CCSER1: variants seen among roughly 807,000 people sequenced by gnomAD.
CCSER1 encodes the protein serine-rich coiled-coil domain-containing protein 1.
In CCSER1, 41 loss-of-function variants were observed where a neutral mutation model predicts 82.0. The ratio of observed to expected loss-of-function variants is 0.50; its 90% CI spans 0.39 to 0.65. CCSER1 has a LOEUF of 0.65. CCSER1 is among the 30% of genes least tolerant of loss of function. The probability of loss-of-function intolerance (pLI) is 0.00; values close to 1 mark genes in which losing one functional copy is unlikely to be tolerated. For synonymous variants in CCSER1, 414 were observed against 383.9 expected (o/e 1.08, Z -0.92); for missense variants, 1,119 against 1,064.2 (o/e 1.05, Z -0.72).
chr4:90,181,081 G>A lies in CCSER1; in HGVS notation c.-42+53250G>A, dbSNP rs80281734. On this transcript the variant is annotated intron_variant, in intron 1 of 10. Coordinates refer to ENST00000509176, the MANE Select transcript of CCSER1 (RefSeq NM_001145065.2). ...TTCAAAACATTTAGAAAACTTCCTG[G>A]TGCAATAGAAAAACTACCTGTTTGG... 8.9e-3 allele frequency among the ~76,000 whole-genome samples: 1,355 copies of A among 152,086 alleles called. 49 individuals carry two copies. The East Asian group carries it at 0.1, about 11-fold the overall frequency.
At chr4:91,119,489 G>C (rs1318814863) in intron 10 of CCSER1, among the ~76,000 whole-genome samples, 1 of 151,796 alleles carries the variant, frequency 6.6e-6, no homozygotes, top group Non-Finnish European at 1.5e-5. Context: ...TCTATATACT[G>C]TATATTTCTT....
At position 90,939,137 on chromosome 4, in the gene CCSER1, T is replaced by C. The variant is rs1731298853; in HGVS notation, c.2172+15690T>C. On this transcript the variant is annotated intron_variant, in intron 9 of 10. Coordinates refer to ENST00000509176, the MANE Select transcript of CCSER1 (RefSeq NM_001145065.2). ...GTAGATTAGATCAGTTTGAAAACAATGCCTTTAGTGTCTTCCATCTTAGTA... is the reference window on the plus strand; with the variant it reads ...GTAGATTAGATCAGTTTGAAAACAACGCCTTTAGTGTCTTCCATCTTAGTA... Among the ~76,000 whole-genome samples the C allele has an allele frequency of 2.0e-5, 3 of 152,270 alleles. No individual in the cohort carries two copies. The South Asian group carries it at 6.2e-4, about 32-fold the overall frequency.
intron 10 of CCSER1, among the ~76,000 whole-genome samples, chr4:91,532,100 C>T (rs766334739): frequency 1.1e-4 from 17 of 152,098 alleles, no homozygotes; most frequent in African/African-American, 1.4e-4. Flanking sequence ...AATGTCAAGA[C>T]GAAAATGAAT....
Position 90,220,035 on chromosome 4 carries a change from C to A in CCSER1, c.-41-88209C>A, listed in dbSNP as rs745828148. On this transcript the variant is annotated intron_variant, in intron 1 of 10. Coordinates refer to ENST00000509176, the MANE Select transcript of CCSER1 (RefSeq NM_001145065.2). ...TGATTTCAGTTAACCTGTGGTCAATCCTAGTCTGAAAATAGGTATGTATAG... is the reference window on the plus strand; with the variant it reads ...TGATTTCAGTTAACCTGTGGTCAATACTAGTCTGAAAATAGGTATGTATAG... Among the ~76,000 whole-genome samples the A allele has an allele frequency of 3.3e-5, 5 of 152,230 alleles. No individual in the cohort carries two copies. In the South Asian group the frequency reaches 8.3e-4, roughly 25 times the overall value.
chr4:90,517,702 G>C (rs780583696), intron 5 of CCSER1, among the ~76,000 whole-genome samples: 63 of 152,002 alleles, frequency 4.1e-4, no homozygotes, highest in Admixed American at 9.8e-4. Context: ...AAGAAGAAAC[G>C]ACTAAACCTT....
chr4:90,288,528 C>T (rs1730327091), intron 1 of CCSER1, among the ~76,000 whole-genome samples: 1 of 151,920 alleles, frequency 6.6e-6, no homozygotes, highest in Admixed American at 6.6e-5. Flanking sequence ...AAGGGACTAG[C>T]CCCTCTAATT....
chr4:91,567,239 T>C (rs1369187521), intron 10 of CCSER1, among the ~76,000 whole-genome samples: 3 of 152,152 alleles, frequency 2.0e-5, no homozygotes, highest in African/African-American at 4.8e-5. Context: ...CACTATGATC[T>C]GAGAGTATGT....
At chr4:91,081,857 G>A (rs567961439) in intron 9 of CCSER1, among the ~76,000 whole-genome samples, 145 of 151,990 alleles carry the variant, frequency 9.5e-4, no homozygotes, top group African/African-American at 3.3e-3. Flanking sequence ...AACTTACAAG[G>A]GACGTGAAGA....
intron 10 of CCSER1, among the ~76,000 whole-genome samples, chr4:91,137,733 G>A (rs189117826): frequency 6.6e-6 from 1 of 151,908 alleles, no homozygotes; most frequent in Admixed American, 6.6e-5. Context: ...ATCTCATAGT[G>A]GTTTTGATTT....
intron 3 of CCSER1, among the ~76,000 whole-genome samples, chr4:90,353,071 G>A (rs78229561): frequency 1.3e-5 from 2 of 152,268 alleles, no homozygotes; most frequent in East Asian, 1.9e-4. Context: ...GGAACATCAC[G>A]AATGTAGGAG....
intron 10 of CCSER1, among the ~76,000 whole-genome samples, chr4:91,187,375 A>G (rs13116662): frequency 0.73 from 110,882 of 151,990 alleles, 40,721 homozygotes; most frequent in Non-Finnish European, 0.78. Flanking sequence ...AGTCTGGAAG[A>G]GATTTTCAAA....
chr4:90,469,761 A>G (rs1764118242), intron 5 of CCSER1, among the ~76,000 whole-genome samples: 1 of 152,118 alleles, frequency 6.6e-6, no homozygotes, highest in Admixed American at 6.6e-5. Context: ...CTGAATGCAA[A>G]TGTAATATTT....
intron 10 of CCSER1, among the ~76,000 whole-genome samples, chr4:91,187,826 T>A (rs1316447948): frequency 6.6e-6 from 1 of 152,240 alleles, no homozygotes; most frequent in East Asian, 1.9e-4. Flanking sequence ...GTGCTGGGAT[T>A]ACAGGCGTGA....
At chr4:90,753,078 G>A (rs1014135210) in intron 7 of CCSER1, among the ~76,000 whole-genome samples, 1 of 152,136 alleles carries the variant, frequency 6.6e-6, no homozygotes, top group Admixed American at 6.5e-5. Context: ...CACATGATGT[G>A]AGAGAAACCT....
intron 10 of CCSER1, among the ~76,000 whole-genome samples, chr4:91,226,238 G>T (rs896201105): frequency 6.6e-6 from 1 of 151,902 alleles, no homozygotes; most frequent in Admixed American, 6.6e-5. Flanking sequence ...ATGCAAGGCA[G>T]CAAATGATGG....
chr4:90,807,669 T>A (rs1454342), intron 7 of CCSER1, among the ~76,000 whole-genome samples: 2 of 150,392 alleles, frequency 1.3e-5, no homozygotes, highest in African/African-American at 4.9e-5. Flanking sequence ...AAAAAACTTA[T>A]GAATATACTT....
chr4:91,517,786 T>TCTG (rs1560732342), intron 10 of CCSER1, among the ~76,000 whole-genome samples: 1 of 90,568 alleles, frequency 1.1e-5, no homozygotes, highest in African/African-American at 3.9e-5. Flanking sequence ...GTGTGTGTGT[T>TCTG]TAACTTTGAT....
intron 10 of CCSER1, among the ~76,000 whole-genome samples, chr4:91,105,735 T>C (rs1488500695): frequency 6.6e-6 from 1 of 151,984 alleles, no homozygotes; most frequent in African/African-American, 2.4e-5. Context: ...AAAATAAAAA[T>C]AAAATAACCC....
intron 9 of CCSER1, among the ~76,000 whole-genome samples, chr4:91,083,658 G>C (rs1723054057): frequency 6.6e-6 from 1 of 151,952 alleles, no homozygotes; most frequent in African/African-American, 2.4e-5. Flanking sequence ...GAGAGAAATA[G>C]ATAGTAAAAT....
Sources: gnomAD v4.1 joint callset for allele counts (sites outside exome capture counted in the v4.1 genomes callset) on GRCh38, gnomAD v4.1.1 for gene constraint, MANE v1.5 for transcripts, NCBI Gene and HGNC (gene_info 2026-07-23, HGNC 2026-07-21) for gene names.